The following ZPLD1 variants were observed in gnomAD, a reference collection of about 807,000 sequenced individuals.
ZPLD1 encodes zona pellucida-like domain-containing protein 1.
Under a neutral mutation model 47.2 loss-of-function variants are expected in ZPLD1, and 34 were observed. That is an observed-to-expected ratio of 0.72 (90% CI 0.55 to 0.96). The LOEUF is 0.96. Among genes scored for constraint, ZPLD1 ranks in the 40% least tolerant of loss-of-function variants. The pLI, the probability that ZPLD1 is intolerant of heterozygous loss-of-function variation, is 0.00. For synonymous variants in ZPLD1, 176 were observed against 186.2 expected (o/e 0.95, Z 0.45); for missense variants, 512 against 505.8 (o/e 1.01, Z -0.12).
At chr3:102,477,326 T>G (rs1166509136) in intron 11 of ZPLD1, 117 bp from the exon 12 acceptor site, 1 of 1,088,396 alleles carries the variant, frequency 9.2e-7, no homozygotes, top group East Asian at 2.4e-5. Flanking sequence ...CACAATTCAG[T>G]GCCATGCTGC....
intron 7 of ZPLD1, among the ~76,000 whole-genome samples, chr3:102,408,486 G>C (rs767385533): frequency 2.0e-5 from 3 of 151,782 alleles, no homozygotes; most frequent in Admixed American, 6.6e-5. Context: ...AAAATTTAGC[G>C]AATAGATATT....
At chr3:102,450,097 A>T (rs149171791) in intron 3 of ZPLD1, among the ~76,000 whole-genome samples, 1 of 152,328 alleles carries the variant, frequency 6.6e-6, no homozygotes, top group East Asian at 1.9e-4. Flanking sequence ...GATCAGGTCA[A>T]GTATTTGGGT....
chr3:102,477,561 C>T lies in ZPLD1; in HGVS notation c.1191C>T (p.His397=), dbSNP rs1354392837. 6.2e-7 allele frequency: 1 copy of T among 1,613,724 alleles called. No individual in the cohort carries two copies. Among genetic ancestry groups the T allele is most frequent in the South Asian group, 1.1e-5 (1 of 91,064 alleles). ...TTCTGTGCTCACTGGCCCTTCTGCACAGGAAGGGACCCACAAGTTTAGTGT... is the reference window on the plus strand; with the variant it reads ...TTCTGTGCTCACTGGCCCTTCTGCATAGGAAGGGACCCACAAGTTTAGTGT... ...SLLLCSLALL[H]RKGPTSLVLN... is the part of the protein sequence containing the mutation. Residue 397 remains histidine, a synonymous_variant, in exon 12 of 12, where the codon CAC becomes CAT. Coordinates refer to ENST00000466937, the MANE Select transcript of ZPLD1 (RefSeq NM_001329788.2).
In ZPLD1 at chr3:102,453,053, G is replaced by C; in HGVS notation, c.241G>C (p.Gly81Arg). ...AAGGCATGGGGACTCCCACTGCAGAGGGTTCATCAATAACAACACCTTTCC... is the reference window on the plus strand; with the variant it reads ...AAGGCATGGGGACTCCCACTGCAGACGGTTCATCAATAACAACACCTTTCC... ...NGRHGDSHCRGFINNNTFPAV... is the reference protein window; with the variant it reads ...NGRHGDSHCRRFINNNTFPAV... The change falls in exon 4 of 12, where the codon GGG becomes CGG. Residue 81 changes from glycine to arginine, a missense_variant. Coordinates refer to ENST00000466937, the MANE Select transcript of ZPLD1 (RefSeq NM_001329788.2). 1 of 1,614,046 alleles carries C rather than the reference G, an allele frequency of 6.2e-7. No homozygotes were observed. Among genetic ancestry groups the C allele is most frequent in the South Asian group, 1.1e-5 (1 of 91,078 alleles).
At chr3:102,469,516 T>C (rs1326233845) in intron 9 of ZPLD1, among the ~76,000 whole-genome samples, 3 of 152,184 alleles carry the variant, frequency 2.0e-5, no homozygotes, top group Non-Finnish European at 4.4e-5. Context: ...TTGTTAGAGA[T>C]GAACTCCAGC....
chr3:102,432,026 T>A (rs185404068), upstream of ZPLD1, among the ~76,000 whole-genome samples: 13 of 152,370 alleles, frequency 8.5e-5, no homozygotes, highest in Non-Finnish European at 1.8e-4. Flanking sequence ...GTTGCCTACC[T>A]GTGTGGCTTT....
At chr3:102,426,047 T>C (rs1353031138) in intron 8 of ZPLD1, among the ~76,000 whole-genome samples, 2 of 151,834 alleles carry the variant, frequency 1.3e-5, no homozygotes, top group African/African-American at 2.4e-5. Context: ...CTATGATAAA[T>C]TTCAAATATA....
chr3:102,462,113 T>C (rs1707514862), intron 6 of ZPLD1, among the ~76,000 whole-genome samples, 168 bp from the exon 7 acceptor site: 1 of 152,134 alleles, frequency 6.6e-6, no homozygotes. Flanking sequence ...TATGGCTTAA[T>C]AACAGTTCTG....
intron 8 of ZPLD1, among the ~76,000 whole-genome samples, chr3:102,426,965 A>G (rs942407165): frequency 6.6e-6 from 1 of 152,248 alleles, no homozygotes. Flanking sequence ...CTTGACATCA[A>G]TTTCCAGATC....
At chr3:102,435,189 G>A in intron 1 of ZPLD1, 35 bp downstream of exon 1, 1 of 1,611,556 alleles carries the variant, frequency 6.2e-7, no homozygotes, top group East Asian at 2.2e-5. Flanking sequence ...CAAGATAATA[G>A]TTCATCAGTT....
chr3:102,451,178 G>GA (rs1005046980), intron 3 of ZPLD1, among the ~76,000 whole-genome samples: 8 of 151,822 alleles, frequency 5.3e-5, no homozygotes, highest in South Asian at 2.1e-4. Flanking sequence ...ACTTTGCTAG[G>GA]AAAAAAACCC....
In ZPLD1 at chr3:102,454,329, A is replaced by G. The variant is rs1049429800; in HGVS notation, c.327+1190A>G. On this transcript the variant is annotated intron_variant, in intron 4 of 11. Transcript: ENST00000466937. ...AGAGGTTATGAAGTGGACCTAAGGG[A>G]GAGTGATGCAGGTTGATTATTACAA... Among the ~76,000 whole-genome samples, 7 of 152,144 alleles carry G rather than the reference A, an allele frequency of 4.6e-5. No homozygotes were observed. In the South Asian group the frequency reaches 1.5e-3, roughly 32 times the overall value.
Position 102,388,449 on chromosome 3 carries a change from CTCTG to C in ZPLD1, c.-213+3138_-213+3141del, listed in dbSNP as rs1194227852. Among the ~76,000 whole-genome samples the C allele has an allele frequency of 2.6e-3, 358 of 138,908 alleles. 2 individuals carry two copies. Among genetic ancestry groups the C allele is most frequent in the Non-Finnish European group, 5.5e-4 (34 of 62,360 alleles). The allele number at this position is 138,908 out of a possible 152,430, so 91.1% of individuals were successfully genotyped here. On this transcript the variant is annotated intron_variant, in intron 6 of 17. Coordinates refer to the ZPLD1 transcript ENST00000491959. ...CTGGAGTCTCTCTCTCTCTCTCTCTCTCTGTCTGTGTGTGTGTGTGTGTGTGTGT... is the reference window on the plus strand; with the variant it reads ...CTGGAGTCTCTCTCTCTCTCTCTCTCTCTGTGTGTGTGTGTGTGTGTGTGT...
rs374641646 is a variant in ZPLD1, at chr3:102,472,531, C to CAA, written c.1042+2045_1042+2046dup. Among the ~76,000 whole-genome samples, 9 of 85,390 alleles carry CAA rather than the reference C, an allele frequency of 1.1e-4. No homozygotes were observed. The East Asian group carries it at 1.2e-3, about 11-fold the overall frequency. 56.0% of individuals were successfully genotyped at this position (85,390 alleles called of 152,430 possible). ...TGGCTGACAGAGTGAGACTCTGTCTCAAAAAAAAAAAAAAAAAGACTGGTT... is the reference window on the plus strand; with the variant it reads ...TGGCTGACAGAGTGAGACTCTGTCTCAAAAAAAAAAAAAAAAAAAGACTGGTT... On this transcript the variant is annotated intron_variant, in intron 10 of 11. Coordinates refer to ENST00000466937, the MANE Select transcript of ZPLD1 (RefSeq NM_001329788.2).
chr3:102,431,674 C>T (rs112234381), upstream of ZPLD1, among the ~76,000 whole-genome samples: 1,235 of 152,174 alleles, frequency 8.1e-3, 19 homozygotes, highest in African/African-American at 0.028. Context: ...TTTGGGAGGC[C>T]GGGGTGTGTG....
intron 7 of ZPLD1, among the ~76,000 whole-genome samples, chr3:102,394,202 T>G (rs1706532563): frequency 1.3e-5 from 2 of 152,296 alleles, no homozygotes; most frequent in Non-Finnish European, 2.9e-5. Flanking sequence ...AGAAAAGACC[T>G]GCTAGGGCAT....
chr3:102,415,777 A>G (rs1443683357), intron 7 of ZPLD1, among the ~76,000 whole-genome samples: 1 of 151,840 alleles, frequency 6.6e-6, no homozygotes, highest in East Asian at 1.9e-4. Context: ...TAACTGGAGT[A>G]ATTCAGTCAT....
chr3:102,455,426 G>A (rs539940236), intron 4 of ZPLD1, among the ~76,000 whole-genome samples: 2 of 152,274 alleles, frequency 1.3e-5, no homozygotes, highest in East Asian at 3.9e-4. Context: ...ACTTCTGAAA[G>A]TTCTTGAACC....
At chr3:102,418,205 T>C (rs1040842146) in exon 8 of ZPLD1, 2 of 152,542 alleles carry the variant, frequency 1.3e-5, no homozygotes, top group African/African-American at 4.8e-5. Context: ...ACCAGGGATT[T>C]GGGTAAGTGC....
Sources: allele counts gnomAD v4.1 joint callset (sites outside exome capture counted in the v4.1 genomes callset), GRCh38; gene constraint gnomAD v4.1.1; transcripts MANE v1.5; gene names NCBI Gene and HGNC (gene_info 2026-07-23, HGNC 2026-07-21).